Variants in CFH observed in about 807,000 individuals in gnomAD.
The protein encoded by CFH is complement factor H.
Under a neutral mutation model 147.3 loss-of-function variants are expected in CFH, and 53 were observed. The observed-to-expected ratio is 0.36, with a 90% CI of 0.29 to 0.45. The LOEUF is 0.45. Ranked by LOEUF, CFH falls within the 20% of genes least tolerant of loss-of-function variation. CFH has a pLI of 1.00. For missense variants in CFH, 1,380 were observed against 1,498.0 expected (o/e 0.92, Z 1.30); for synonymous variants, 536 against 489.4 (o/e 1.10, Z -1.26).
At chr1:196,694,655 G>T (rs376622410) in intron 9 of CFH, among the ~76,000 whole-genome samples, 1 of 152,008 alleles carries the variant, frequency 6.6e-6, no homozygotes, top group African/African-American at 2.4e-5. Flanking sequence ...CCGCATCCTC[G>T]CCAGCACCTG....
At chr1:196,698,179 G>T (rs185633606) in intron 9 of CFH, among the ~76,000 whole-genome samples, 3 of 152,052 alleles carry the variant, frequency 2.0e-5, no homozygotes, top group Admixed American at 1.3e-4. Flanking sequence ...AATTAGAGAA[G>T]CAAGAGCAAA....
chr1:196,704,915 C>A (rs958776416), intron 9 of CFH, among the ~76,000 whole-genome samples: 1 of 152,162 alleles, frequency 6.6e-6, no homozygotes, highest in Non-Finnish European at 1.5e-5. Flanking sequence ...TACTGGTGTT[C>A]AGTCTTGAAT....
At chr1:196,690,756 T>A (rs150176190) in intron 9 of CFH, among the ~76,000 whole-genome samples, 34 of 152,188 alleles carry the variant, frequency 2.2e-4, no homozygotes, top group African/African-American at 7.5e-4. Flanking sequence ...CTGATTTACA[T>A]AGGGCCCAAA....
chr1:196,673,345 G>A, intron 2 of CFH, 182 bp downstream of exon 2: 1 of 619,604 alleles, frequency 1.6e-6, no homozygotes, highest in East Asian at 3.0e-5. Flanking sequence ...GCAGTGCAGT[G>A]GCGCAATTTT....
intron 1 of CFH, among the ~76,000 whole-genome samples, chr1:196,658,665 T>C (rs1345495667): frequency 6.6e-6 from 1 of 151,980 alleles, no homozygotes. Context: ...GATCTGGTGA[T>C]CTGCCGGCCT....
chr1:196,692,845 TTCCC>T (rs1195874518), intron 9 of CFH, among the ~76,000 whole-genome samples: 7 of 128,966 alleles, frequency 5.4e-5, no homozygotes, highest in African/African-American at 2.1e-4. Flanking sequence ...TCTTTCTTCC[TTCCC>T]TCCCTCCCTT....
chr1:196,714,660 TATATATATAG>T (rs1172763488), intron 10 of CFH, among the ~76,000 whole-genome samples: 31 of 43,512 alleles, frequency 7.1e-4, no homozygotes, highest in African/African-American at 2.7e-3. Context: ...TATATATATA[TATATATATAG>T]AGAGAGAGAG....
rs373941930 is a variant in CFH, at chr1:196,652,088, T to C, written c.-30T>C. On this transcript the variant is annotated 5_prime_UTR_variant, in exon 1 of 22. Transcript: ENST00000367429. ...ACTGGACGTTGTGAACAGAGTTAGC[T>C]GGTAAATGTCCTCTTAAAAGATCCA... 12 of 1,495,048 alleles carry C rather than the reference T, an allele frequency of 8.0e-6. No homozygotes were observed. The highest frequency in any genetic ancestry group is 1.0e-5 in the Non-Finnish European group (11 of 1,071,712). The allele number at this position is 1,495,048 out of a possible 1,614,324, so 92.6% of individuals were successfully genotyped here.
intron 7 of CFH, 57 bp from the exon 8 acceptor site, chr1:196,689,358 CTAATA>C (rs1232440718): frequency 5.6e-6 from 8 of 1,419,560 alleles, no homozygotes; most frequent in South Asian, 2.4e-5. Flanking sequence ...AAATTTATCT[CTAATA>C]TGAGTGTTTA....
chr1:196,696,492 C>A (rs1483335482), intron 9 of CFH, among the ~76,000 whole-genome samples: 2 of 152,088 alleles, frequency 1.3e-5, no homozygotes, highest in Non-Finnish European at 2.9e-5. Flanking sequence ...GCACTAAATG[C>A]CCACATCAGA....
chr1:196,720,486 C>G (rs1014323271), intron 11 of CFH, among the ~76,000 whole-genome samples: 2 of 151,904 alleles, frequency 1.3e-5, no homozygotes, highest in Non-Finnish European at 2.9e-5. Flanking sequence ...CACTCTCTGT[C>G]CATATGTACG....
intron 1 of CFH, among the ~76,000 whole-genome samples, chr1:196,666,979 G>C (rs976078185): frequency 6.6e-6 from 1 of 152,084 alleles, no homozygotes; most frequent in African/African-American, 2.4e-5. Flanking sequence ...GTTGAAGACA[G>C]TGTTTTATTA....
At chr1:196,741,099 C>A in intron 18 of CFH, 1 of 359,742 alleles carries the variant, frequency 2.8e-6, no homozygotes, top group Non-Finnish European at 5.2e-6. Flanking sequence ...AATCTTCTGT[C>A]AGTTTATCAA....
chr1:196,692,374 AGATT>A lies in CFH; in HGVS notation c.1336+2136_1336+2139del, dbSNP rs759821441. 2.7e-3 allele frequency: 2,235 copies of A among 831,042 alleles called. 8 individuals carry two copies. Among genetic ancestry groups the A allele is most frequent in the Admixed American group, 4.4e-3 (71 of 15,972 alleles). 51.5% of individuals were successfully genotyped at this position (831,042 alleles called of 1,614,324 possible). On this transcript the variant is annotated intron_variant, in intron 9 of 21. Transcript: ENST00000367429. ...CCATTACTTTTATTTTTTTCTTCACAGATTAATTGAGGCTAATAATATGCCTTGA... is the reference window on the plus strand; with the variant it reads ...CCATTACTTTTATTTTTTTCTTCACAAATTGAGGCTAATAATATGCCTTGA...
At position 196,690,049 on chromosome 1, in the gene CFH, G is replaced by A. The variant is rs368658558; in HGVS notation, c.1160-14G>A. ...TCATTTACTTTATTTATTTATCATT[G>A]TTATGGTCCTTAGGAAAATGTTATT... On this transcript the variant is annotated splice_polypyrimidine_tract_variant and intron_variant, in intron 8 of 21. Transcript: ENST00000367429. 1.3e-6 allele frequency: 2 copies of A among 1,596,974 alleles called. No homozygotes were observed. Among genetic ancestry groups the A allele is most frequent in the Non-Finnish European group, 1.7e-6 (2 of 1,167,248 alleles).
intron 1 of CFH, among the ~76,000 whole-genome samples, chr1:196,654,592 A>G (rs1459735018): frequency 2.0e-5 from 3 of 152,186 alleles, no homozygotes; most frequent in African/African-American, 7.2e-5. Context: ...TATTATGACC[A>G]AGCAGATTTT....
At chr1:196,724,115 T>C (rs1357605756) in intron 11 of CFH, among the ~76,000 whole-genome samples, 2 of 151,986 alleles carry the variant, frequency 1.3e-5, no homozygotes, top group Non-Finnish European at 2.9e-5. Context: ...GCTACAGTCT[T>C]CTTTGCCACA....
In CFH at chr1:196,692,822, C is replaced by CTTTCTTTCTTTCTTTT. The variant is rs1367433142; in HGVS notation, c.1336+2584_1336+2585insTTCTTTCTTTCTTTTT. 2.2e-4 allele frequency among the ~76,000 whole-genome samples: 5 copies of CTTTCTTTCTTTCTTTT among 22,526 alleles called. 2 individuals are homozygous for CTTTCTTTCTTTCTTTT. The highest frequency in any genetic ancestry group is 5.0e-3 in the East Asian group (2 of 400). 14.8% of individuals were successfully genotyped at this position (22,526 alleles called of 152,430 possible). ...TCTTTCTTTCTTTCTTTCTTTCTTT[C>CTTTCTTTCTTTCTTTT]TCTTTCCTTCTTTCTTTCTTCCTTC... On this transcript the variant is annotated intron_variant, in intron 9 of 21. Transcript: ENST00000367429.
chr1:196,739,982 T>C (rs1397579091), intron 17 of CFH, among the ~76,000 whole-genome samples: 1 of 152,146 alleles, frequency 6.6e-6, no homozygotes, highest in African/African-American at 2.4e-5. Flanking sequence ...CATGTCCTTC[T>C]TCACATGATG....
Sources: allele counts gnomAD v4.1 joint callset (sites outside exome capture counted in the v4.1 genomes callset), GRCh38; gene constraint gnomAD v4.1.1; transcripts MANE v1.5; gene names NCBI Gene and HGNC (gene_info 2026-07-23, HGNC 2026-07-21).